Variants in CNNM3 observed in about 807,000 individuals in gnomAD.
CNNM3 encodes metal transporter CNNM3.
Under a neutral mutation model 57.1 loss-of-function variants are expected in CNNM3, and 47 were observed. That is an observed-to-expected ratio of 0.82 (90% CI 0.65 to 1.05). The LOEUF is 1.05. Among genes scored for constraint, CNNM3 ranks in the 50% least tolerant of loss-of-function variants. CNNM3 has a pLI of 0.00. For synonymous variants in CNNM3, 507 were observed against 478.2 expected, an observed-to-expected ratio of 1.06 and a Z score of -0.79; for missense variants, 957 against 973.7, an observed-to-expected ratio of 0.98 and a Z score of 0.23.
At chr2:96,830,497 T>C (rs1435744850) in intron 7 of CNNM3, among the ~76,000 whole-genome samples, 1 of 152,222 alleles carries the variant, frequency 6.6e-6, no homozygotes, top group East Asian at 1.9e-4. Flanking sequence ...CATGTTTTTC[T>C]AATAGTCCTT....
downstream of CNNM3, among the ~76,000 whole-genome samples, chr2:96,835,776 C>CA (rs970390113): frequency 2.0e-5 from 3 of 152,138 alleles, no homozygotes; most frequent in African/African-American, 7.2e-5. Context: ...CACAAACTGT[C>CA]AAACTCATGT....
chr2:96,817,875 T>G (rs1210556879), intron 1 of CNNM3, among the ~76,000 whole-genome samples: 1 of 152,108 alleles, frequency 6.6e-6, no homozygotes, highest in Non-Finnish European at 1.5e-5. Context: ...GGATAGAAAC[T>G]AGAAGAACAT....
intron 1 of CNNM3, among the ~76,000 whole-genome samples, chr2:96,823,725 G>A (rs1199074466): frequency 6.6e-6 from 1 of 152,212 alleles, no homozygotes; most frequent in Non-Finnish European, 1.5e-5. Flanking sequence ...GAGTCTTGAA[G>A]CAGATACCCC....
rs1039749445 is a variant in CNNM3 at position 96,816,487 on chromosome 2, C to T, written c.210C>T (p.Gly70=). Residue 70 remains glycine, a synonymous_variant, in exon 1 of 8, where the codon GGC becomes GGT. Transcript: ENST00000305510. ...ATFLLRLFGP[G]FANSSWSWVA... The stretch of plus-strand genomic sequence containing the variant: ...TCCTCCTGCGCCTCTTCGGCCCGGG[C>T]TTCGCCAACAGCTCTTGGTCCTGGG... 4 of 1,458,400 alleles carry T rather than the reference C, an allele frequency of 2.7e-6. No individual in the cohort carries two copies. Among genetic ancestry groups the T allele is most frequent in the Non-Finnish European group, 3.6e-6 (4 of 1,105,924 alleles). The allele number at this position is 1,458,400 out of a possible 1,614,324, so 90.3% of individuals were successfully genotyped here.
chr2:96,816,473 C>T lies in CNNM3; in HGVS notation c.196C>T (p.Leu66Phe), dbSNP rs764221378. 37 of 1,458,154 alleles carry T rather than the reference C, an allele frequency of 2.5e-5. No homozygotes were observed. Among genetic ancestry groups the T allele is most frequent in the Non-Finnish European group, 3.2e-5 (35 of 1,105,764 alleles). 90.3% of individuals were successfully genotyped at this position (1,458,154 alleles called of 1,614,324 possible). A position where few individuals can be genotyped will look rare whatever the true frequency, so the allele number is the denominator to read the frequency against. The change falls in exon 1 of 8, where the codon CTC (leucine) becomes TTC (phenylalanine). Residue 66 changes from leucine to phenylalanine, a missense_variant. By Grantham distance (22) the Leu-to-Phe change is conservative. Transcript: ENST00000305510. ...DTPDATFLLRLFGPGFANSSW... is the reference protein window; with the variant it reads ...DTPDATFLLRFFGPGFANSSW... Reference sequence around the variant, plus strand: ...GCCGGACGCCACCTTCCTCCTGCGCCTCTTCGGCCCGGGCTTCGCCAACAG... The same window carrying T: ...GCCGGACGCCACCTTCCTCCTGCGCTTCTTCGGCCCGGGCTTCGCCAACAG...
rs1322459164 is a variant in CNNM3 at position 96,827,600 on chromosome 2, G to A, written c.1520-131G>A. On this transcript the variant is annotated intron_variant, in intron 3 of 7. Transcript: ENST00000305510. ...AGTTCTCTTGTGTTGAGGTGTTAGG[G>A]GCAGCTGCTCACAGGCCACCCGGGA... 4.9e-6 allele frequency: 4 copies of A among 819,708 alleles called. No homozygotes were observed. In the African/African-American group the frequency reaches 5.1e-5, roughly 11 times the overall value. 50.8% of individuals were successfully genotyped at this position (819,708 alleles called of 1,614,324 possible).
At position 96,816,637 on chromosome 2, in the gene CNNM3, C is replaced by A. The variant is rs908629279; in HGVS notation, c.360C>A (p.Arg120=). The part of the protein sequence containing the change: ...VRPHSALLAV[R]VEPGGGAAEE... ...CGCACTCGGCGCTGCTGGCGGTGCG[C>A]GTGGAGCCGGGTGGCGGGGCGGCTG... Residue 120 remains arginine, a synonymous_variant, in exon 1 of 8, where the codon CGC becomes CGA. Coordinates refer to ENST00000305510, the MANE Select transcript of CNNM3 (RefSeq NM_017623.5). 9 of 1,126,364 alleles carry A rather than the reference C, an allele frequency of 8.0e-6. No homozygotes were observed. Among genetic ancestry groups the A allele is most frequent in the Non-Finnish European group, 9.8e-6 (9 of 921,686 alleles). 69.8% of individuals were successfully genotyped at this position (1,126,364 alleles called of 1,614,324 possible). A position where few individuals can be genotyped will look rare whatever the true frequency, so the allele number is the denominator to read the frequency against.
chr2:96,831,927 C>A (rs577078991), intron 7 of CNNM3: 22 of 965,176 alleles, frequency 2.3e-5, no homozygotes, highest in Non-Finnish European at 2.7e-5. Flanking sequence ...ACCATTTCTG[C>A]TCAATAGCTT....
intron 1 of CNNM3, among the ~76,000 whole-genome samples, chr2:96,824,234 A>G (rs138607845): frequency 5.9e-5 from 9 of 152,290 alleles, no homozygotes; most frequent in African/African-American, 2.2e-4. Context: ...CCAAGCTTAC[A>G]TTCCCTCACT....
At chr2:96,829,788 G>A (rs1436925883) in intron 7 of CNNM3, among the ~76,000 whole-genome samples, 1 of 152,082 alleles carries the variant, frequency 6.6e-6, no homozygotes, top group Non-Finnish European at 1.5e-5. Flanking sequence ...GTGGGAATAA[G>A]TTTTAGTTCA....
intron 7 of CNNM3, 76 bp from the exon 8 acceptor site, chr2:96,832,476 A>C: frequency 6.2e-7 from 1 of 1,600,900 alleles, no homozygotes; most frequent in Non-Finnish European, 8.5e-7. Context: ...CCTGTCCCAC[A>C]GAGGATTTGG....
chr2:96,836,950 C>G (rs2079698131), downstream of CNNM3: 1 of 152,140 alleles, frequency 6.6e-6, no homozygotes, highest in Non-Finnish European at 1.5e-5. Context: ...ATAGCTGGTC[C>G]AGCTGCTCCA....
Position 96,825,134 on chromosome 2 carries a change from G to A in CNNM3, c.1302G>A (p.Leu434=). 6.2e-7 allele frequency: 1 copy of A among 1,614,140 alleles called. No homozygotes were observed. Among genetic ancestry groups the A allele is most frequent in the Non-Finnish European group, 8.5e-7 (1 of 1,180,010 alleles). The change falls in exon 2 of 8, where the codon CTG becomes CTA. Residue 434 remains leucine (L), a synonymous_variant. Coordinates refer to ENST00000305510, the MANE Select transcript of CNNM3 (RefSeq NM_017623.5). ...EGDPFYEVLG[L]VTLEDVIEEI... Reference sequence around the variant, plus strand: ...ACCCCTTCTACGAGGTCCTGGGCCTGGTCACCCTGGAGGACGTGATCGAGG... The same window carrying A: ...ACCCCTTCTACGAGGTCCTGGGCCTAGTCACCCTGGAGGACGTGATCGAGG...
chr2:96,821,354 C>G (rs968878097), intron 1 of CNNM3, among the ~76,000 whole-genome samples: 7 of 152,126 alleles, frequency 4.6e-5, no homozygotes, highest in Admixed American at 2.6e-4. Flanking sequence ...TTTTAAAAAT[C>G]GATTCCCTTT....
intron 7 of CNNM3, chr2:96,831,848 C>A: frequency 2.7e-6 from 1 of 364,822 alleles, no homozygotes; most frequent in Non-Finnish European, 3.8e-6. Flanking sequence ...CAGCTGCCAG[C>A]TCTCCCTCAG....
chr2:96,836,998 T>C (rs1410666906), downstream of CNNM3: 1 of 152,252 alleles, frequency 6.6e-6, no homozygotes, highest in Non-Finnish European at 1.5e-5. Context: ...CTCCATTGAA[T>C]TACTTTTGCA....
chr2:96,829,059 C>G lies in CNNM3; in HGVS notation c.1984C>G (p.Pro662Ala). 6.2e-7 allele frequency: 1 copy of G among 1,613,986 alleles called. No individual in the cohort carries two copies. The highest frequency in any genetic ancestry group is 8.5e-7 in the Non-Finnish European group (1 of 1,179,998). The change falls in exon 7 of 8, where the codon CCT (proline) becomes GCT (alanine). Residue 662 changes from proline (P) to alanine (A), a missense_variant. Pro to Ala is a conservative substitution (Grantham distance 27). Transcript: ENST00000305510. ...ATRAQNLPQS[P>A]ENTDLQVIPG... The stretch of plus-strand genomic sequence containing the variant: ...CCGAGCCCAGAACCTGCCACAGTCC[C>G]CTGAGAACACCGACCTGCAGGTTAT...
chr2:96,836,889 AT>A (rs1469435426), downstream of CNNM3: 13 of 151,766 alleles, frequency 8.6e-5, no homozygotes, highest in African/African-American at 3.2e-4. Flanking sequence ...AGCCATGTTA[AT>A]TTTTGTATAA....
chr2:96,832,949 T>C lies in CNNM3; in HGVS notation c.*333T>C. 1 of 1,380,752 alleles carries C rather than the reference T, an allele frequency of 7.2e-7. No homozygotes were observed. The allele number at this position is 1,380,752 out of a possible 1,614,324, so 85.5% of individuals were successfully genotyped here. On this transcript the variant is annotated 3_prime_UTR_variant, in exon 8 of 8. Coordinates refer to ENST00000305510, the MANE Select transcript of CNNM3 (RefSeq NM_017623.5). ...GCAGGGACAGTGCGGCATATTCAGATTCAGACCTCTTTGGGCTGAGCCACC... is the reference window on the plus strand; with the variant it reads ...GCAGGGACAGTGCGGCATATTCAGACTCAGACCTCTTTGGGCTGAGCCACC...
Sources: gnomAD v4.1 joint callset for allele counts (sites outside exome capture counted in the v4.1 genomes callset) on GRCh38, gnomAD v4.1.1 for gene constraint, MANE v1.5 for transcripts, NCBI Gene and HGNC (gene_info 2026-07-23, HGNC 2026-07-21) for gene names.